Variants in PKP3 observed in about 807,000 individuals in gnomAD.
The protein encoded by PKP3 is plakophilin 3.
In PKP3, 66 loss-of-function variants were observed where a neutral mutation model predicts 76.5. The ratio of observed to expected loss-of-function variants is 0.86; its 90% confidence interval spans 0.71 to 1.06. The LOEUF (loss-of-function observed/expected upper bound fraction) is 1.06. PKP3 is among the 50% of genes least tolerant of loss of function. The pLI is 0.00. For missense variants in PKP3, 1,338 were observed against 1,141.0 expected (o/e 1.17, Z -2.49); for synonymous variants, 638 against 516.5 (o/e 1.24, Z -3.19).
At chr11:392,754 C>T, upstream of PKP3, 1 of 1,031,330 alleles carries the variant, frequency 9.7e-7, no homozygotes, top group Non-Finnish European at 1.3e-6. Context: ...CACCTGGTGG[C>T]CCCAGCCCGG....
chr11:394,602 G>A (rs1422111915), intron 1 of PKP3, 78 bp downstream of exon 1: 2 of 1,184,764 alleles, frequency 1.7e-6, no homozygotes, highest in African/African-American at 3.3e-5. Context: ...TGTGAGGGCA[G>A]AGGCCGCAGT....
At position 396,904 on chromosome 11, in the gene PKP3, T is replaced by C; in HGVS notation, c.403T>C (p.Ser135Pro). The C allele has an allele frequency of 6.3e-7, 1 of 1,597,888 alleles. No homozygotes were observed. Among genetic ancestry groups the C allele is most frequent in the African/African-American group, 1.3e-5 (1 of 74,828 alleles). ...TCTGAGCTGCAGTCGGAGGCTGAGT[T>C]CAGCCCACAACGGGGGCAGCGCCTT... is the stretch of plus-strand genomic sequence containing the variant. ...VDLSCSRRLS[S>P]AHNGGSAFGA... Residue 135 changes from serine to proline, a missense_variant, in exon 3 of 13, where the codon TCA becomes CCA. By Grantham distance (74) the Ser-to-Pro change is moderately conservative. Transcript: ENST00000331563.
At chr11:399,247 G>A (rs1281021902) in intron 5 of PKP3, 51 bp downstream of exon 5, 3 of 1,255,772 alleles carry the variant, frequency 2.4e-6, no homozygotes, top group Non-Finnish European at 3.2e-6. Flanking sequence ...GCGCCCCTCT[G>A]CCTATCCCCC....
chr11:400,681 G>T lies in PKP3; in HGVS notation c.1713G>T (p.Thr571=). The change falls in exon 8 of 13, where the codon ACG becomes ACT. Residue 571 remains threonine, a synonymous_variant. Transcript: ENST00000331563. The stretch of plus-strand genomic sequence containing the variant: ...CGGGAGAGGTCGTGGGCTGCTTCAC[G>T]CCGCAGAGCCGGCGGCTGCGCGAGG... The part of the protein sequence containing the change: ...APPGEVVGCF[T]PQSRRLRELP... The T allele has an allele frequency of 7.7e-7, 1 of 1,293,792 alleles. No homozygotes were observed. 80.1% of individuals were successfully genotyped at this position (1,293,792 alleles called of 1,614,324 possible). A position where few individuals can be genotyped will look rare whatever the true frequency, so the allele number is the denominator to read the frequency against.
rs574738430 is a variant in PKP3, at chr11:397,533, C to T, written c.945-6C>T. 1.9e-6 allele frequency: 3 copies of T among 1,612,216 alleles called. No individual in the cohort carries two copies. The South Asian group carries it at 3.3e-5, about 18-fold the overall frequency. On this transcript the variant is annotated splice_region_variant and splice_polypyrimidine_tract_variant and intron_variant, in intron 3 of 12. Transcript: ENST00000331563. ...TTAGCCTGACCCCTGACCCCTGGCT[C>T]CGCAGTTTTGATGACATTGACCTGC...
chr11:403,911 A>G, intron 10 of PKP3, 32 bp from the exon 11 acceptor site: 1 of 1,573,620 alleles, frequency 6.4e-7, no homozygotes, highest in South Asian at 1.2e-5. Flanking sequence ...GGCCAGGAGT[A>G]GGGGTGCAGA....
Position 396,732 on chromosome 11 carries a change from G to T in PKP3, c.312+45G>T, listed in dbSNP as rs775428917. On this transcript the variant is annotated intron_variant, in intron 2 of 12. Coordinates refer to ENST00000331563, the MANE Select transcript of PKP3 (RefSeq NM_007183.4). ...CGAGGGGGACGATCTGAGCTCTGCA[G>T]TCTGGAGAGTGGGAGGCTCTGCAGC... 6.3e-6 allele frequency: 10 copies of T among 1,586,048 alleles called. No homozygotes were observed. In the African/African-American group the frequency reaches 1.3e-4, roughly 21 times the overall value.
chr11:399,614 A>T (rs972021811), intron 5 of PKP3, among the ~76,000 whole-genome samples: 1 of 129,128 alleles, frequency 7.7e-6, no homozygotes, highest in Non-Finnish European at 1.6e-5. Context: ...CCTCCACCTC[A>T]TTCGGTTCCC....
rs763272255 is a variant in PKP3 at position 397,346 on chromosome 11, G to GCAGCCT, written c.858_863dup (p.Ser287_Leu288dup). 2.6e-5 allele frequency: 41 copies of GCAGCCT among 1,587,816 alleles called. No individual in the cohort carries two copies. Among genetic ancestry groups the GCAGCCT allele is most frequent in the Middle Eastern group, 1.7e-4 (1 of 6,038 alleles). ...CCAGTGGCTCGAGCGCCATCTGTGC[G>GCAGCCT]CAGCCTCAGCCTCAGCCTGGCTGAC... On this transcript the variant is annotated inframe_insertion, in exon 3 of 13. Transcript: ENST00000331563.
intron 4 of PKP3, among the ~76,000 whole-genome samples, chr11:398,169 G>C (rs1847086363): frequency 1.7e-5 from 1 of 60,088 alleles, no homozygotes. Flanking sequence ...GCACATACCT[G>C]CGTCACCTCC....
chr11:395,268 A>G (rs1224098989), intron 1 of PKP3, among the ~76,000 whole-genome samples: 1 of 152,206 alleles, frequency 6.6e-6, no homozygotes, highest in Admixed American at 6.5e-5. Flanking sequence ...AAGGTTAGAC[A>G]GTAAGATGGA....
In PKP3 at chr11:404,683, C is replaced by G; in HGVS notation, c.*114C>G. 1 of 999,710 alleles carries G rather than the reference C, an allele frequency of 1.0e-6. No individual in the cohort carries two copies. Among genetic ancestry groups the G allele is most frequent in the Non-Finnish European group, 1.5e-6 (1 of 653,782 alleles). 61.9% of individuals were successfully genotyped at this position (999,710 alleles called of 1,614,324 possible). ...GAAGGCTAATGACGGAGGGGCCCCT[C>G]GCTGGGGCCCCTGTGTGCATCTTTG... On this transcript the variant is annotated 3_prime_UTR_variant, in exon 13 of 13. Transcript: ENST00000331563. This position sits in a 1 kb window ranked among gnomAD's most constrained non-coding sequence, Gnocchi z 4.2.
chr11:392,647 G>C (rs950756771), upstream of PKP3: 8 of 1,286,678 alleles, frequency 6.2e-6, no homozygotes, highest in Non-Finnish European at 7.1e-6. Context: ...TGGACACCTC[G>C]GCCGTCAGCA....
At position 399,960 on chromosome 11, in the gene PKP3, C is replaced by T. The variant is rs745750678; in HGVS notation, c.1274-7C>T. ...AGACGCTGATAGCAGCCTCCCCCGTCCTCCAGGGATCCTGTGGAACCTTTC... is the reference window on the plus strand; with the variant it reads ...AGACGCTGATAGCAGCCTCCCCCGTTCTCCAGGGATCCTGTGGAACCTTTC... On this transcript the variant is annotated splice_region_variant and splice_polypyrimidine_tract_variant and intron_variant, in intron 5 of 12. Coordinates refer to ENST00000331563, the MANE Select transcript of PKP3 (RefSeq NM_007183.4). 2 of 1,592,912 alleles carry T rather than the reference C, an allele frequency of 1.3e-6. No homozygotes were observed. Among genetic ancestry groups the T allele is most frequent in the Non-Finnish European group, 1.7e-6 (2 of 1,171,262 alleles).
At chr11:400,819 C>G (rs1230173898) in intron 8 of PKP3, 114 bp downstream of exon 8, 138 of 373,624 alleles carry the variant, frequency 3.7e-4, no homozygotes, top group Non-Finnish European at 5.0e-4. Flanking sequence ...CCGCCCCGCT[C>G]ACCCCGGACC....
chr11:399,560 C>T (rs1847115625), intron 5 of PKP3, among the ~76,000 whole-genome samples: 1 of 89,240 alleles, frequency 1.1e-5, no homozygotes, highest in Non-Finnish European at 2.2e-5. Flanking sequence ...CTGTCCCCCT[C>T]CTCCTGTCCC....
At position 400,068 on chromosome 11, in the gene PKP3, G is replaced by A. The variant is rs754685582; in HGVS notation, c.1375G>A (p.Ala459Thr). Residue 459 changes from alanine (A) to threonine (T), a missense_variant, in exon 6 of 13, where the codon GCT becomes ACT. By Grantham distance (58) the Ala-to-Thr change is moderately conservative. Coordinates refer to ENST00000331563, the MANE Select transcript of PKP3 (RefSeq NM_007183.4). Reference sequence around the variant, plus strand: ...CCTGGTGTTGAGCCCCCTGTCGGGGGCTGGGGGTCCCCCCCTCATCCAGCA... The same window carrying A: ...CCTGGTGTTGAGCCCCCTGTCGGGGACTGGGGGTCCCCCCCTCATCCAGCA... ...TDLVLSPLSG[A>T]GGPPLIQQNA... is the part of the protein sequence containing the mutation. 2.0e-5 allele frequency: 32 copies of A among 1,602,606 alleles called. No homozygotes were observed. The highest frequency in any genetic ancestry group is 1.4e-4 in the Admixed American group (8 of 58,002).
In PKP3 at chr11:394,475, G is replaced by A. The variant is rs917750328; in HGVS notation, c.183G>A (p.Pro61=). The change falls in exon 1 of 13, where the codon CCG becomes CCA. Residue 61 remains proline, a synonymous_variant. Coordinates refer to ENST00000331563, the MANE Select transcript of PKP3 (RefSeq NM_007183.4). ...RARLLQLGQQ[P]RHNGAAEPEP... ...GCCTCTTGCAGCTGGGACAGCAGCCGCGGCACAACGGGGCCGCTGAGCCCG... is the reference window on the plus strand; with the variant it reads ...GCCTCTTGCAGCTGGGACAGCAGCCACGGCACAACGGGGCCGCTGAGCCCG... The A allele has an allele frequency of 1.2e-5, 17 of 1,433,880 alleles. No individual in the cohort carries two copies. Among genetic ancestry groups the A allele is most frequent in the African/African-American group, 4.5e-5 (3 of 66,688 alleles). 88.8% of individuals were successfully genotyped at this position (1,433,880 alleles called of 1,614,324 possible).
chr11:404,258 C>G lies in PKP3; in HGVS notation c.2293C>G (p.Arg765Gly), dbSNP rs764034295. Residue 765 changes from arginine (R) to glycine (G), a missense_variant, in exon 12 of 13, where the codon CGG (arginine) becomes GGG (glycine). Arg to Gly is a moderately radical substitution (Grantham distance 125). Transcript: ENST00000331563. The surrounding 1 kb of genome is among the most constrained non-coding windows in gnomAD (Gnocchi z 4.2). The part of the protein sequence containing the change: ...RDSPDSEKSS[R>G]AASSLLANLW... The stretch of plus-strand genomic sequence containing the variant: ...CAGCCCCGACAGTGAGAAGTCCTCC[C>G]GGGCAGCATCCAGCCTCCTGGCCAA... 1 of 1,612,494 alleles carries G rather than the reference C, an allele frequency of 6.2e-7. No individual in the cohort carries two copies. The highest frequency in any genetic ancestry group is 8.5e-7 in the Non-Finnish European group (1 of 1,179,860).
Sources: allele counts gnomAD v4.1 joint callset (sites outside exome capture counted in the v4.1 genomes callset), GRCh38; gene constraint gnomAD v4.1.1; non-coding constraint Gnocchi (gnomAD v3.1); transcripts MANE v1.5; gene names NCBI Gene and HGNC (gene_info 2026-07-23, HGNC 2026-07-21).